PAMR1: variants seen among roughly 807,000 people sequenced by gnomAD.
PAMR1 encodes inactive serine protease PAMR1.
Under a neutral mutation model 81.8 loss-of-function variants are expected in PAMR1, and 88 were observed. The ratio of observed to expected loss-of-function variants is 1.08; its 90% confidence interval spans 0.91 to 1.28. The LOEUF (loss-of-function observed/expected upper bound fraction) is 1.28. Among genes scored for constraint, PAMR1 ranks in the 50% most tolerant of loss-of-function variants. The pLI is 0.00. For synonymous variants in PAMR1, 336 were observed against 345.3 expected, an observed-to-expected ratio of 0.97 and a Z score of 0.30; for missense variants, 935 against 919.7, an observed-to-expected ratio of 1.02 and a Z score of -0.21.
At chr11:35,466,887 C>T (rs1046064179) in intron 6 of PAMR1, among the ~76,000 whole-genome samples, 5 of 152,044 alleles carry the variant, frequency 3.3e-5, no homozygotes, top group East Asian at 1.9e-4. Context: ...GCTCTGCCCT[C>T]GGGTCTATTT....
At chr11:35,523,453 T>C (rs868343724) in intron 1 of PAMR1, among the ~76,000 whole-genome samples, 2 of 152,292 alleles carry the variant, frequency 1.3e-5, no homozygotes, top group African/African-American at 4.8e-5. Context: ...GTCAGTGGAG[T>C]TGGGTTTCTC....
intron 1 of PAMR1, among the ~76,000 whole-genome samples, chr11:35,511,694 A>C (rs1851074865): frequency 6.6e-6 from 1 of 152,184 alleles, no homozygotes; most frequent in Non-Finnish European, 1.5e-5. Context: ...TAGGAAACAG[A>C]GAGAGATACA....
At chr11:35,514,518 C>G (rs1851128779) in intron 1 of PAMR1, among the ~76,000 whole-genome samples, 1 of 152,178 alleles carries the variant, frequency 6.6e-6, no homozygotes, top group South Asian at 2.1e-4. Flanking sequence ...GAACAAAACC[C>G]AAACTCTAGG....
chr11:35,456,140 AT>A (rs974492650), intron 6 of PAMR1, among the ~76,000 whole-genome samples: 23 of 151,594 alleles, frequency 1.5e-4, no homozygotes, highest in Admixed American at 2.6e-4. Flanking sequence ...TACATATATA[AT>A]TTTTTTTTCA....
At chr11:35,449,824 C>T (rs1856374503) in intron 6 of PAMR1, among the ~76,000 whole-genome samples, 2 of 152,304 alleles carry the variant, frequency 1.3e-5, no homozygotes, top group East Asian at 1.9e-4. Context: ...CACTAACTGC[C>T]TCCTTTGGCT....
chr11:35,474,693 T>C lies in PAMR1; in HGVS notation c.431A>G (p.Tyr144Cys), dbSNP rs1375225550. ...APKGQILLESYPLNAHCEWTI... is the reference protein window; with the variant it reads ...APKGQILLESCPLNAHCEWTI... ...CCATTCACAGTGAGCATTTAGGGGA[T>C]AGCTTTCCAACAAAATCTGACCCTT... The change falls in exon 4 of 11, where the codon TAT becomes TGT. Residue 144 changes from tyrosine to cysteine, a missense_variant. By Grantham distance (194) the Tyr-to-Cys change is radical (BLOSUM62 -2). Coordinates refer to ENST00000619888, the MANE Select transcript of PAMR1 (RefSeq NM_001001991.3). 1 of 1,611,272 alleles carries C rather than the reference T, an allele frequency of 6.2e-7. No homozygotes were observed. Among genetic ancestry groups the C allele is most frequent in the Non-Finnish European group, 8.5e-7 (1 of 1,178,868 alleles).
chr11:35,434,582 T>C lies in PAMR1; in HGVS notation c.1556A>G (p.Asp519Gly). The C allele has an allele frequency of 1.2e-6, 2 of 1,614,020 alleles. No homozygotes were observed. The highest frequency in any genetic ancestry group is 1.7e-6 in the Non-Finnish European group (2 of 1,179,992). ...LGKVTMIKTA[D>G]LKVVLGKFYR... is the part of the protein sequence containing the mutation. Reference sequence around the variant, plus strand: ...GAATTTCCCCAAAACAACTTTCAGGTCTGCTGTCTTGATCATGGTGACCTT... The same window carrying C: ...GAATTTCCCCAAAACAACTTTCAGGCCTGCTGTCTTGATCATGGTGACCTT... Residue 519 changes from aspartate (D) to glycine (G), a missense_variant, in exon 10 of 11, where the codon GAC (aspartate) becomes GGC (glycine). Transcript: ENST00000619888.
intron 1 of PAMR1, among the ~76,000 whole-genome samples, chr11:35,523,284 T>C (rs12800242): frequency 0.11 from 16,056 of 152,298 alleles, 916 homozygotes; most frequent in Non-Finnish European, 0.13. Context: ...TTATCTTCCC[T>C]GGTTGCATTT....
At chr11:35,491,498 A>G (rs1427723891) in intron 3 of PAMR1, among the ~76,000 whole-genome samples, 1 of 152,226 alleles carries the variant, frequency 6.6e-6, no homozygotes, top group Non-Finnish European at 1.5e-5. Flanking sequence ...TCTTGGACTG[A>G]ACGAGAGATT....
chr11:35,497,609 A>C (rs1850750746), intron 1 of PAMR1, among the ~76,000 whole-genome samples: 1 of 152,160 alleles, frequency 6.6e-6, no homozygotes, highest in African/African-American at 2.4e-5. Flanking sequence ...GATTATCTGC[A>C]CTGGGCTTTA....
chr11:35,529,973 G>A (rs1231696632), upstream of PAMR1: 1 of 152,190 alleles, frequency 6.6e-6, no homozygotes, highest in Non-Finnish European at 1.5e-5. Context: ...AATCCACAGG[G>A]AGAAACAGCA....
At chr11:35,473,541 G>A (rs1195007931) in intron 4 of PAMR1, among the ~76,000 whole-genome samples, 2 of 152,154 alleles carry the variant, frequency 1.3e-5, no homozygotes, top group Non-Finnish European at 2.9e-5. Flanking sequence ...CCTTGAGCCA[G>A]GCTTCCTCTA....
Position 35,492,038 on chromosome 11 carries a change from T to A in PAMR1, c.379+7A>T. On this transcript the variant is annotated splice_region_variant and intron_variant, in intron 3 of 10. Transcript: ENST00000619888. ...CTAGAGATGGAGCTAGGTCAAGGTC[T>A]ACTTACGCATGCAGTCTCCTCCGTA... is the stretch of plus-strand genomic sequence containing the variant. 1 of 1,609,448 alleles carries A rather than the reference T, an allele frequency of 6.2e-7. No homozygotes were observed. The highest frequency in any genetic ancestry group is 8.5e-7 in the Non-Finnish European group (1 of 1,177,742).
intron 6 of PAMR1, among the ~76,000 whole-genome samples, chr11:35,458,777 G>C (rs1856588318): frequency 1.3e-5 from 2 of 152,184 alleles, no homozygotes; most frequent in Non-Finnish European, 2.9e-5. Context: ...TTCTCATCAG[G>C]GCATTGTTCA....
chr11:35,505,062 T>C (rs1226808654), intron 1 of PAMR1, among the ~76,000 whole-genome samples: 1 of 152,100 alleles, frequency 6.6e-6, no homozygotes, highest in Non-Finnish European at 1.5e-5. Context: ...TCCATTTTGA[T>C]TTGTTTGAAG....
chr11:35,434,880 G>A lies in PAMR1; in HGVS notation c.1334-76C>T, dbSNP rs992553563. ...AAGGAGAATGTGTCACTTAACCAGA[G>A]AGCACAAATCTGGAAAGGTGAACTG... On this transcript the variant is annotated intron_variant, in intron 9 of 10. Coordinates refer to ENST00000619888, the MANE Select transcript of PAMR1 (RefSeq NM_001001991.3). 5 of 1,434,826 alleles carry A rather than the reference G, an allele frequency of 3.5e-6. No individual in the cohort carries two copies. The African/African-American group carries it at 7.0e-5, about 20-fold the overall frequency. The allele number at this position is 1,434,826 out of a possible 1,614,324, so 88.9% of individuals were successfully genotyped here.
At chr11:35,500,494 C>T (rs374990212) in intron 1 of PAMR1, among the ~76,000 whole-genome samples, 29 of 152,282 alleles carry the variant, frequency 1.9e-4, no homozygotes, top group East Asian at 9.6e-4. Flanking sequence ...ATTGGTCAAA[C>T]GACCCCACAA....
intron 3 of PAMR1, 35 bp from the exon 4 acceptor site, chr11:35,474,779 G>T (rs1236753586): frequency 1.4e-6 from 2 of 1,445,140 alleles, no homozygotes; most frequent in Non-Finnish European, 1.9e-6. Context: ...ACATAAAAAT[G>T]GAGGTCAATA....
At chr11:35,492,306 G>T in intron 2 of PAMR1, 133 bp from the exon 3 acceptor site, 1 of 935,444 alleles carries the variant, frequency 1.1e-6, no homozygotes, top group Non-Finnish European at 1.6e-6. Context: ...AGGTGTCAGA[G>T]CCCAGAGGAA....
Sources: gnomAD v4.1 joint callset for allele counts (sites outside exome capture counted in the v4.1 genomes callset) on GRCh38, gnomAD v4.1.1 for gene constraint, MANE v1.5 for transcripts, NCBI Gene and HGNC (gene_info 2026-07-23, HGNC 2026-07-21) for gene names.